Variants in USP43 observed in about 807,000 individuals in gnomAD.
The protein encoded by USP43 is ubiquitin carboxyl-terminal hydrolase 43.
USP43 carries 33 observed loss-of-function variants against 90.7 expected under a neutral mutation model. The ratio of observed to expected loss-of-function variants is 0.36; its 90% CI spans 0.28 to 0.49. The LOEUF (loss-of-function observed/expected upper bound fraction) is 0.49. Ranked by LOEUF, USP43 falls within the 20% of genes least tolerant of loss-of-function variation. The pLI is 0.98. For missense variants in USP43, 1,274 were observed against 1,476.4 expected, an observed-to-expected ratio of 0.86 and a Z score of 2.25; for synonymous variants, 598 against 615.8, an observed-to-expected ratio of 0.97 and a Z score of 0.43.
At chr17:9,708,265 G>GATA (rs939174487) in intron 12 of USP43, among the ~76,000 whole-genome samples, 1 of 152,164 alleles carries the variant, frequency 6.6e-6, no homozygotes, top group Non-Finnish European at 1.5e-5. Flanking sequence ...CCAAAGGGGT[G>GATA]ATAAATCATT....
At chr17:9,662,273 G>A (rs1181822416) in intron 2 of USP43, among the ~76,000 whole-genome samples, 2 of 152,144 alleles carry the variant, frequency 1.3e-5, no homozygotes, top group African/African-American at 4.8e-5. Flanking sequence ...AGGAGGAGGA[G>A]TGGATACGGG....
intron 1 of USP43, chr17:9,646,994 GTGTT>G (rs1044159347): frequency 1.0e-4 from 15 of 149,308 alleles, no homozygotes; most frequent in African/African-American, 3.5e-4. Context: ...TTAAAACGGG[GTGTT>G]TGTTTGGGGT....
chr17:9,695,879 C>T (rs8073505), intron 9 of USP43, among the ~76,000 whole-genome samples: 51,688 of 151,992 alleles, frequency 0.34, 10,629 homozygotes, highest in East Asian at 0.7. Context: ...AGTGTTTATC[C>T]TTTTGTGTTT....
At chr17:9,649,120 A>C (rs1336994905) in intron 1 of USP43, among the ~76,000 whole-genome samples, 1 of 152,038 alleles carries the variant, frequency 6.6e-6, no homozygotes, top group Non-Finnish European at 1.5e-5. Context: ...CCTTCTGACC[A>C]ATATGGTGAA....
chr17:9,664,266 T>A (rs1567651006), intron 2 of USP43, among the ~76,000 whole-genome samples: 2 of 152,212 alleles, frequency 1.3e-5, no homozygotes, highest in Non-Finnish European at 1.5e-5. Flanking sequence ...CATTTACCCA[T>A]CTGTCTCTCT....
chr17:9,645,691 G>T lies in USP43; in HGVS notation c.59G>T (p.Arg20Leu). The part of the protein sequence containing the change: ...GGGPLAPRPR[R>L]RRSLRRLFSR... ...GGACCGCTCGCGCCCCGGCCCCGCCGCCGCCGCTCCCTGCGCCGCCTGTTC... is the reference window on the plus strand; with the variant it reads ...GGACCGCTCGCGCCCCGGCCCCGCCTCCGCCGCTCCCTGCGCCGCCTGTTC... The change falls in exon 1 of 15, where the codon CGC (arginine) becomes CTC (leucine). Residue 20 changes from arginine (R) to leucine (L), a missense_variant. By Grantham distance (102) the Arg-to-Leu change is moderately radical. Around this residue, in one of 6 missense-constraint regions of USP43, gnomAD observed 112 missense variants for 106.6 expected, o/e 1.05. Coordinates refer to ENST00000285199, the MANE Select transcript of USP43 (RefSeq NM_153210.5). This position sits in a 1 kb window ranked among gnomAD's most constrained non-coding sequence, Gnocchi z 6.8. The T allele has an allele frequency of 7.7e-7, 1 of 1,292,738 alleles. No individual in the cohort carries two copies. Among genetic ancestry groups the T allele is most frequent in the Non-Finnish European group, 9.7e-7 (1 of 1,026,620 alleles). The allele number at this position is 1,292,738 out of a possible 1,614,324, so 80.1% of individuals were successfully genotyped here.
chr17:9,676,724 G>A (rs201400428), intron 4 of USP43, 22 bp from the exon 5 acceptor site: 20 of 1,609,748 alleles, frequency 1.2e-5, no homozygotes, highest in Non-Finnish European at 1.5e-5. Flanking sequence ...CTTTAAGGGT[G>A]TTGCCCCTTC....
chr17:9,705,931 T>C (rs1400138807), intron 12 of USP43, among the ~76,000 whole-genome samples: 1 of 152,228 alleles, frequency 6.6e-6, no homozygotes, highest in East Asian at 1.9e-4. Context: ...CAAGATGTCC[T>C]GCACAAAGGG....
intron 14 of USP43, among the ~76,000 whole-genome samples, chr17:9,724,166 G>T (rs968639789): frequency 1.3e-5 from 2 of 152,106 alleles, no homozygotes; most frequent in Non-Finnish European, 1.5e-5. Context: ...AGCAGCTTTG[G>T]CTCCCAGGGG....
chr17:9,691,963 A>T (rs1597858172), intron 8 of USP43, among the ~76,000 whole-genome samples: 1 of 151,746 alleles, frequency 6.6e-6, no homozygotes, highest in East Asian at 1.9e-4. Flanking sequence ...AATGGCAAGA[A>T]CCCGGGAGGC....
chr17:9,701,212 T>C lies in USP43; in HGVS notation c.1629T>C (p.Asp543=). 6.2e-7 allele frequency: 1 copy of C among 1,602,056 alleles called. No individual in the cohort carries two copies. The highest frequency in any genetic ancestry group is 1.1e-5 in the South Asian group (1 of 89,062). ...ATCAGCAGCACAGCTGTACCTTGGATGAATGTTTTCAGTTCTACACCAAGG... is the reference window on the plus strand; with the variant it reads ...ATCAGCAGCACAGCTGTACCTTGGACGAATGTTTTCAGTTCTACACCAAGG... ...QAHQQHSCTL[D]ECFQFYTKEE... Residue 543 remains aspartate (D), a synonymous_variant, in exon 11 of 15, where the codon GAT becomes GAC. Coordinates refer to ENST00000285199, the MANE Select transcript of USP43 (RefSeq NM_153210.5). This position sits in a 1 kb window ranked among gnomAD's most constrained non-coding sequence, Gnocchi z 7.2.
chr17:9,704,761 C>A (rs1402982619), intron 12 of USP43, among the ~76,000 whole-genome samples: 1 of 151,828 alleles, frequency 6.6e-6, no homozygotes, highest in African/African-American at 2.4e-5. Context: ...CTGCAACCCC[C>A]CCACCTCCCC....
At chr17:9,700,972 C>T (rs1915530026) in intron 10 of USP43, 147 bp from the exon 11 acceptor site, 3 of 948,826 alleles carry the variant, frequency 3.2e-6, no homozygotes, top group African/African-American at 1.7e-5. Flanking sequence ...CAGAAGGATG[C>T]CTGCAGCTCT....
intron 14 of USP43, among the ~76,000 whole-genome samples, chr17:9,712,435 G>T (rs1036244454): frequency 6.6e-6 from 1 of 152,152 alleles, no homozygotes; most frequent in Non-Finnish European, 1.5e-5. Flanking sequence ...CAGGGAAGAG[G>T]GTATTCAGGC....
chr17:9,727,026 G>A (rs1917307681), intron 14 of USP43, among the ~76,000 whole-genome samples: 1 of 152,036 alleles, frequency 6.6e-6, no homozygotes, highest in South Asian at 2.1e-4. Context: ...GAGTGCAGTG[G>A]CATGATCTCA....
intron 14 of USP43, among the ~76,000 whole-genome samples, chr17:9,716,941 G>T (rs1256989001): frequency 6.6e-6 from 1 of 152,082 alleles, no homozygotes; most frequent in Admixed American, 6.6e-5. Context: ...TTTGAGACCA[G>T]CCTGACCAAC....
intron 12 of USP43, among the ~76,000 whole-genome samples, chr17:9,707,958 T>C (rs1286480837): frequency 6.6e-6 from 1 of 152,220 alleles, no homozygotes; most frequent in East Asian, 1.9e-4. Context: ...CTACCTGACA[T>C]TTTGAAAGGG....
intron 2 of USP43, among the ~76,000 whole-genome samples, chr17:9,665,820 A>G (rs66537032): frequency 0.14 from 21,426 of 152,082 alleles, 1,736 homozygotes; most frequent in East Asian, 0.32. Flanking sequence ...GAGCAGAGAG[A>G]GAGTTGAAGA....
At chr17:9,699,091 C>T (rs901792812) in intron 9 of USP43, among the ~76,000 whole-genome samples, 3 of 152,180 alleles carry the variant, frequency 2.0e-5, no homozygotes, top group Non-Finnish European at 4.4e-5. Flanking sequence ...TTCCAGGAAA[C>T]GCAAGGCATG....
Sources: allele counts gnomAD v4.1 joint callset (sites outside exome capture counted in the v4.1 genomes callset), GRCh38; gene constraint gnomAD v4.1.1; regional missense constraint gnomAD v4.1.1; non-coding constraint Gnocchi (gnomAD v3.1); transcripts MANE v1.5; gene names NCBI Gene and HGNC (gene_info 2026-07-23, HGNC 2026-07-21).